OSR1: variants seen among roughly 807,000 people sequenced by gnomAD.
OSR1 encodes the protein odd-skipped related transcription factor 1, also known as protein odd-skipped-related 1.
Under a neutral mutation model 15.7 loss-of-function variants are expected in OSR1, and 3 were observed. The observed-to-expected ratio is 0.19, with a 90% CI of 0.09 to 0.50. The LOEUF (loss-of-function observed/expected upper bound fraction) is 0.50. OSR1 is among the 20% of genes least tolerant of loss of function. The pLI, the probability that OSR1 is intolerant of heterozygous loss-of-function variation, is 0.97. For synonymous variants in OSR1, 166 were observed against 152.7 expected (o/e 1.09, Z -0.64); for missense variants, 271 against 351.1 (o/e 0.77, Z 1.82).
intron 1 of OSR1, chr2:19,355,001 C>T (rs1413039584): frequency 1.3e-5 from 2 of 152,292 alleles, no homozygotes; most frequent in South Asian, 2.1e-4. Context: ...ACCTCCTTGG[C>T]CATGGTCTCC....
downstream of OSR1, among the ~76,000 whole-genome samples, chr2:19,347,700 G>A (rs114689414): frequency 6.1e-3 from 935 of 152,330 alleles, 15 homozygotes; most frequent in African/African-American, 0.02. Flanking sequence ...ACCTCAGAGA[G>A]GCTGCCCAAA....
Position 19,353,965 on chromosome 2 carries a change from G to C in OSR1, c.-32-128C>G, listed in dbSNP as rs1466311458. 3.8e-6 allele frequency: 3 copies of C among 783,022 alleles called. No homozygotes were observed. The East Asian group carries it at 8.1e-5, about 21-fold the overall frequency. The allele number at this position is 783,022 out of a possible 1,614,324, so 48.5% of individuals were successfully genotyped here. On this transcript the variant is annotated intron_variant, in intron 1 of 2. Transcript: ENST00000272223. ...CCCAGCGCAGGAGCTAAGAGTCTAAGACCCCATTCCCAAAACCCACTGCCC... is the reference window on the plus strand; with the variant it reads ...CCCAGCGCAGGAGCTAAGAGTCTAACACCCCATTCCCAAAACCCACTGCCC...
At chr2:19,350,410 G>A (rs1664813719), downstream of OSR1, among the ~76,000 whole-genome samples, 1 of 152,012 alleles carries the variant, frequency 6.6e-6, no homozygotes, top group Non-Finnish European at 1.5e-5. Flanking sequence ...GAGCGTTCCC[G>A]GAGGAGGTGG....
At chr2:19,347,055 T>C (rs1664744785), downstream of OSR1, among the ~76,000 whole-genome samples, 1 of 152,230 alleles carries the variant, frequency 6.6e-6, no homozygotes, top group African/African-American at 2.4e-5. Context: ...AAAGGCTTTT[T>C]GCCGGGGGTT....
At chr2:19,355,581 G>C (rs1391531377) in intron 1 of OSR1, 1 of 152,270 alleles carries the variant, frequency 6.6e-6, no homozygotes, top group Non-Finnish European at 1.5e-5. Context: ...GGGACCTAAG[G>C]AAAGAGGCCT....
At chr2:19,347,034 C>A (rs12710706), downstream of OSR1, among the ~76,000 whole-genome samples, 1 of 151,996 alleles carries the variant, frequency 6.6e-6, no homozygotes, top group African/African-American at 2.4e-5. Context: ...TTGCTCCCTA[C>A]GTCATTGAAA....
In OSR1 at chr2:19,352,213, T is replaced by A. The variant is rs1423128746; in HGVS notation, c.*62A>T. 1 of 1,566,982 alleles carries A rather than the reference T, an allele frequency of 6.4e-7. No individual in the cohort carries two copies. The highest frequency in any genetic ancestry group is 8.7e-7 in the Non-Finnish European group (1 of 1,146,592). On this transcript the variant is annotated 3_prime_UTR_variant, in exon 3 of 3. Transcript: ENST00000272223. ...CTCCCGCTGCCCGCCAGAGTCAGGC[T>A]TCTGGTCCCTATGGAGGAGAGGGCC...
At chr2:19,352,649 G>A (rs532356535) in intron 2 of OSR1, among the ~76,000 whole-genome samples, 1 of 152,148 alleles carries the variant, frequency 6.6e-6, no homozygotes, top group Non-Finnish European at 1.5e-5. Flanking sequence ...CCTTCCTGGT[G>A]GGCAGGAGGG....
chr2:19,353,486 C>T lies in OSR1; in HGVS notation c.320G>A (p.Ser107Asn), dbSNP rs1436087381. The change falls in exon 2 of 3, where the codon AGC (serine) becomes AAC (asparagine). Residue 107 changes from serine (S) to asparagine (N), a missense_variant. Physicochemically the swap from Ser to Asn is conservative, Grantham distance 46. Transcript: ENST00000272223. Reference sequence around the variant, plus strand: ...CGGCTTGGTCTTGAGCGCTGGAACGCTGCCTCCAGCGGTGATCTCGGGCTT... The same window carrying T: ...CGGCTTGGTCTTGAGCGCTGGAACGTTGCCTCCAGCGGTGATCTCGGGCTT... ...QPKPEITAGG[S>N]VPALKTKPRF... 1 of 1,614,054 alleles carries T rather than the reference C, an allele frequency of 6.2e-7. No individual in the cohort carries two copies. The highest frequency in any genetic ancestry group is 1.3e-5 in the African/African-American group (1 of 74,956).
the OSR1 span, among the ~76,000 whole-genome samples, chr2:19,345,104 A>G: frequency 6.6e-6 from 1 of 152,172 alleles, no homozygotes; most frequent in Non-Finnish European, 1.5e-5. Context: ...TAAGAAAATG[A>G]CAGTTCCACC....
downstream of OSR1, chr2:19,348,494 T>C (rs1460017110): frequency 6.5e-6 from 1 of 154,154 alleles, no homozygotes; most frequent in Non-Finnish European, 1.5e-5. Context: ...CACAGAGGCT[T>C]CGCGCTCTGA....
chr2:19,349,001 A>T (rs1398456111), downstream of OSR1, among the ~76,000 whole-genome samples: 1 of 152,212 alleles, frequency 6.6e-6, no homozygotes, highest in Non-Finnish European at 1.5e-5. Context: ...CTCCTGAAAA[A>T]TAGCCCCAGC....
downstream of OSR1, chr2:19,348,469 A>C (rs1446901153): frequency 6.5e-6 from 1 of 154,042 alleles, no homozygotes; most frequent in Non-Finnish European, 1.5e-5. Flanking sequence ...TGTCTGCGGG[A>C]GGAGACCATG....
At chr2:19,347,221 T>C (rs140019460), downstream of OSR1, among the ~76,000 whole-genome samples, 456 of 152,324 alleles carry the variant, frequency 3.0e-3, 1 homozygote, top group African/African-American at 0.01. Context: ...AGCATCATCA[T>C]CATCAACATT....
At chr2:19,355,257 C>T (rs79841722) in intron 1 of OSR1, 5 of 152,478 alleles carry the variant, frequency 3.3e-5, no homozygotes, top group Non-Finnish European at 5.9e-5. Flanking sequence ...CTGCTGTTGA[C>T]TTCTTCCTTT....
Position 19,353,477 on chromosome 2 carries a change from G to T in OSR1, c.329C>A (p.Ala110Glu). Reference sequence around the variant, plus strand: ...ATCAAAGCGCGGCTTGGTCTTGAGCGCTGGAACGCTGCCTCCAGCGGTGAT... The same window carrying T: ...ATCAAAGCGCGGCTTGGTCTTGAGCTCTGGAACGCTGCCTCCAGCGGTGAT... ...PEITAGGSVP[A>E]LKTKPRFDFA... Residue 110 changes from alanine to glutamate, a missense_variant, in exon 2 of 3, where the codon GCG becomes GAG. Ala to Glu is a moderately radical substitution (Grantham distance 107, BLOSUM62 -1). Around this residue, in one of 4 missense-constraint regions of OSR1, gnomAD observed 210 missense variants for 218.4 expected, o/e 0.96. Coordinates refer to ENST00000272223, the MANE Select transcript of OSR1 (RefSeq NM_145260.3). 1.2e-6 allele frequency: 2 copies of T among 1,614,122 alleles called. No individual in the cohort carries two copies. The highest frequency in any genetic ancestry group is 2.2e-5 in the East Asian group (1 of 44,880).
At chr2:19,358,244 T>A (rs1439750007) in intron 1 of OSR1, 97 bp downstream of exon 1, 118 of 152,592 alleles carry the variant, frequency 7.7e-4, no homozygotes, top group Non-Finnish European at 3.5e-4. Context: ...TTCAGGGGCA[T>A]TGAGAGAGAG....
rs1369401129 is a variant in OSR1 at position 19,353,399 on chromosome 2, C to A, written c.407G>T (p.Arg136Leu). Residue 136 changes from arginine to leucine, a missense_variant, in exon 2 of 3, where the codon CGC (arginine) becomes CTC (leucine). Physicochemically the swap from Arg to Leu is moderately radical, Grantham distance 102. Coordinates refer to ENST00000272223, the MANE Select transcript of OSR1 (RefSeq NM_145260.3). ...TGCAGGGGAGCCTGGGCCCTCCCCG[C>A]GACCGAGCTTGGCCGGATCTTCTTG... ...ATQEDPAKLG[R>L]GEGPGSPAGG... 5 of 1,614,180 alleles carry A rather than the reference C, an allele frequency of 3.1e-6. No homozygotes were observed. In the South Asian group the frequency reaches 5.5e-5, roughly 18 times the overall value.
rs772016590 is a variant in OSR1 at position 19,353,807 on chromosome 2, T to G, written c.-2A>C. The G allele has an allele frequency of 1.2e-6, 2 of 1,606,878 alleles. No individual in the cohort carries two copies. The highest frequency in any genetic ancestry group is 1.7e-6 in the Non-Finnish European group (2 of 1,175,642). ...CGCCGGCAAGGTTTTGCTGCCCATT[T>G]CGGTAGTTGCAGTGGCTTCTCAATC... On this transcript the variant is annotated 5_prime_UTR_variant, in exon 2 of 3. Coordinates refer to ENST00000272223, the MANE Select transcript of OSR1 (RefSeq NM_145260.3).
Sources: gnomAD v4.1 joint callset for allele counts (sites outside exome capture counted in the v4.1 genomes callset) on GRCh38, gnomAD v4.1.1 for gene constraint, gnomAD v4.1.1 regional missense constraint, MANE v1.5 for transcripts, NCBI Gene and HGNC (gene_info 2026-07-23, HGNC 2026-07-21) for gene names.